The following NBPF15 variants were observed in gnomAD, a reference collection of about 807,000 sequenced individuals.
NBPF15 encodes NBPF family member NBPF15.
Under a neutral mutation model 62.2 loss-of-function variants are expected in NBPF15, and 74 were observed. The ratio of observed to expected loss-of-function variants is 1.19; its 90% confidence interval spans 0.99 to 1.44. The LOEUF (loss-of-function observed/expected upper bound fraction) is 1.44. Among genes scored for constraint, NBPF15 ranks in the 40% most tolerant of loss-of-function variants. NBPF15 has a pLI of 0.00. For synonymous variants in NBPF15, 244 were observed against 209.7 expected (o/e 1.16, Z -1.41); for missense variants, 790 against 550.0 (o/e 1.44, Z -4.36).
intron 6 of NBPF15, among the ~76,000 whole-genome samples, chr1:144,447,902 G>A (rs1688708318): frequency 6.6e-6 from 1 of 152,032 alleles, no homozygotes; most frequent in African/African-American, 2.4e-5. Context: ...CTGAGGGAAG[G>A]TGCAAGAGAA....
In NBPF15 at chr1:144,431,331, C is replaced by A. The variant is rs1376353032; in HGVS notation, c.825-1468G>T. 2.7e-5 allele frequency among the ~76,000 whole-genome samples: 4 copies of A among 149,510 alleles called. No individual in the cohort carries two copies. The South Asian group carries it at 8.4e-4, about 31-fold the overall frequency. On this transcript the variant is annotated intron_variant, in intron 13 of 21. Transcript: ENST00000581897. ...GCTAAGGGCAGCCAGAGAGAAAGGT[C>A]GGATTACCCACAAAGGGAAGCCCAT...
At chr1:144,457,915 C>T (rs1466422928) in intron 3 of NBPF15, among the ~76,000 whole-genome samples, 1 of 151,732 alleles carries the variant, frequency 6.6e-6, no homozygotes, top group African/African-American at 2.4e-5. Context: ...TACAGGAAAA[C>T]CCTGTCTACA....
intron 9 of NBPF15, 105 bp from the exon 10 acceptor site, chr1:144,437,214 A>C: frequency 8.5e-7 from 1 of 1,180,000 alleles, no homozygotes; most frequent in East Asian, 2.3e-5. Flanking sequence ...GAGACCTCGA[A>C]GCAGAAGGTC....
At chr1:144,428,991 C>A (rs1399442084) in intron 14 of NBPF15, among the ~76,000 whole-genome samples, 1 of 152,076 alleles carries the variant, frequency 6.6e-6, no homozygotes, top group Middle Eastern at 3.4e-3. Context: ...CAATATTAAG[C>A]TTTCTCTCAT....
chr1:144,453,228 A>G (rs1553545922), intron 4 of NBPF15, among the ~76,000 whole-genome samples: 2 of 151,044 alleles, frequency 1.3e-5, no homozygotes, highest in African/African-American at 4.9e-5. Flanking sequence ...GAGACAATTT[A>G]AAACAGCAAA....
intron 4 of NBPF15, among the ~76,000 whole-genome samples, chr1:144,451,200 G>A (rs1690881916): frequency 6.6e-6 from 1 of 151,752 alleles, no homozygotes; most frequent in Admixed American, 6.6e-5. Context: ...AGAAAAAAGT[G>A]CTGTGCTTTT....
At chr1:144,425,623 A>C (rs1669180887) in intron 18 of NBPF15, 55 bp from the exon 19 acceptor site, 1 of 532,456 alleles carries the variant, frequency 1.9e-6, no homozygotes, top group African/African-American at 2.6e-5. Context: ...CTACACCCAT[A>C]ACAGTCCACT....
chr1:144,428,794 A>T (rs1482608430), intron 14 of NBPF15, 137 bp from the exon 15 acceptor site: 1 of 610,206 alleles, frequency 1.6e-6, no homozygotes, highest in African/African-American at 1.9e-5. Context: ...GAAATATTCC[A>T]GTAGGCCTGA....
chr1:144,440,039 C>T lies in NBPF15; in HGVS notation c.-35-1G>A. 6.3e-7 allele frequency: 1 copy of T among 1,596,792 alleles called. No individual in the cohort carries two copies. Among genetic ancestry groups the T allele is most frequent in the African/African-American group, 1.3e-5 (1 of 74,628 alleles). On this transcript the variant is annotated splice_acceptor_variant, in intron 7 of 21. Coordinates refer to ENST00000581897, the MANE Select transcript of NBPF15 (RefSeq NM_001385408.1). LOFTEE classifies it low-confidence loss of function (5UTR_SPLICE). ...GTGGCAGAAGAGGTGGAGTCAGGGA[C>T]TGGGGAGAAGAAACCCAAACATATG... is the stretch of plus-strand genomic sequence containing the variant.
intron 4 of NBPF15, among the ~76,000 whole-genome samples, chr1:144,455,201 G>T (rs1693702949): frequency 6.9e-6 from 1 of 145,910 alleles, no homozygotes; most frequent in Non-Finnish European, 1.5e-5. Flanking sequence ...GGAAGGGAGG[G>T]AAGGCAGAAG....
intron 6 of NBPF15, among the ~76,000 whole-genome samples, chr1:144,444,147 G>A (rs1198534362): frequency 6.6e-5 from 10 of 151,158 alleles, no homozygotes; most frequent in Non-Finnish European, 8.8e-5. Context: ...ATCATTCCGC[G>A]TTTGGGCTAT....
intron 18 of NBPF15, 141 bp downstream of exon 18, chr1:144,426,137 T>C (rs1386864580): frequency 4.7e-6 from 3 of 643,946 alleles, no homozygotes; most frequent in South Asian, 1.7e-5. Context: ...GACTACAGTT[T>C]CATTACAACC....
intron 6 of NBPF15, among the ~76,000 whole-genome samples, chr1:144,445,332 A>AATATATATATACATATAT (rs1261424332): frequency 4.3e-5 from 4 of 92,528 alleles, no homozygotes; most frequent in African/African-American, 1.6e-4. Flanking sequence ...CAAAACGGTG[A>AATATATATATACATATAT]ATATATATAT....
intron 17 of NBPF15, 106 bp from the exon 18 acceptor site, chr1:144,426,556 G>T (rs1669798293): frequency 2.7e-6 from 2 of 733,368 alleles, no homozygotes; most frequent in Non-Finnish European, 5.1e-6. Context: ...AAAGAAAAAG[G>T]ACGGATCCAT....
intron 6 of NBPF15, among the ~76,000 whole-genome samples, chr1:144,441,159 T>G (rs1283461792): frequency 6.6e-6 from 1 of 151,864 alleles, no homozygotes; most frequent in Non-Finnish European, 1.5e-5. Flanking sequence ...AATATTCTCA[T>G]ACAATTATTT....
rs587711153 is a variant in NBPF15, at chr1:144,456,373, G to C, written c.-432+164C>G. 3.3e-5 allele frequency among the ~76,000 whole-genome samples: 5 copies of C among 152,106 alleles called. No individual in the cohort carries two copies. In the East Asian group the frequency reaches 7.7e-4, roughly 24 times the overall value. ...GCAGGTCGAGGGTGGCACACGCTGT[G>C]AATATTTGTTCATTCACCTAACAAA... On this transcript the variant is annotated intron_variant, in intron 4 of 21. Coordinates refer to ENST00000581897, the MANE Select transcript of NBPF15 (RefSeq NM_001385408.1).
intron 18 of NBPF15, 44 bp downstream of exon 18, chr1:144,426,234 G>T: frequency 8.7e-6 from 5 of 574,130 alleles, no homozygotes; most frequent in Non-Finnish European, 1.2e-5. Context: ...CCCCTATCTG[G>T]AAGACCAGGT....
chr1:144,440,327 G>A (rs1257288296), intron 6 of NBPF15, 32 bp from the exon 7 acceptor site: 2 of 1,245,462 alleles, frequency 1.6e-6, no homozygotes, highest in African/African-American at 3.1e-5. Context: ...TAGAAGGTGG[G>A]GGTGTCATGG....
chr1:144,445,270 G>GTATATATA (rs59434439), intron 6 of NBPF15, among the ~76,000 whole-genome samples: 1,364 of 104,968 alleles, frequency 0.013, 17 homozygotes, highest in African/African-American at 0.039. Flanking sequence ...GTCTGTATAT[G>GTATATATA]TATATATATA....
Sources: gnomAD v4.1 joint callset for allele counts (sites outside exome capture counted in the v4.1 genomes callset) on GRCh38, gnomAD v4.1.1 for gene constraint, MANE v1.5 for transcripts, NCBI Gene and HGNC (gene_info 2026-07-23, HGNC 2026-07-21) for gene names.